The following SLC4A4 variants were observed in gnomAD, a reference collection of about 807,000 sequenced individuals.
The protein encoded by SLC4A4 is electrogenic sodium bicarbonate cotransporter 1.
Under a neutral mutation model 111.5 loss-of-function variants are expected in SLC4A4, and 27 were observed. The observed-to-expected ratio is 0.24, with a 90% confidence interval of 0.18 to 0.33. The LOEUF is 0.33. Ranked by LOEUF, SLC4A4 falls within the 10% of genes least tolerant of loss-of-function variation. SLC4A4 has a pLI of 1.00. For synonymous variants in SLC4A4, 443 were observed against 463.4 expected, an observed-to-expected ratio of 0.96 and a Z score of 0.57; for missense variants, 909 against 1,315.5, an observed-to-expected ratio of 0.69 and a Z score of 4.78.
chr4:71,462,469 C>T (rs989740807), intron 12 of SLC4A4, among the ~76,000 whole-genome samples: 2 of 135,892 alleles, frequency 1.5e-5, no homozygotes, highest in African/African-American at 2.8e-5. Context: ...AGTGGAGTGG[C>T]GTGATCTCAG....
At chr4:71,537,987 C>T (rs1002858098) in intron 18 of SLC4A4, among the ~76,000 whole-genome samples, 1 of 152,044 alleles carries the variant, frequency 6.6e-6, no homozygotes, top group Non-Finnish European at 1.5e-5. Context: ...GTGGATGAGC[C>T]ATAGTTTCTA....
intron 2 of SLC4A4, among the ~76,000 whole-genome samples, chr4:71,102,022 A>G (rs1335511854): frequency 1.3e-5 from 2 of 150,752 alleles, no homozygotes. Context: ...GAAAACTTTG[A>G]AAAAAAATTA....
chr4:71,086,699 G>A (rs917254167), intron 1 of SLC4A4, among the ~76,000 whole-genome samples: 7 of 152,014 alleles, frequency 4.6e-5, no homozygotes, highest in African/African-American at 1.7e-4. Flanking sequence ...TTATATGCTG[G>A]ATTATGTTTA....
intron 2 of SLC4A4, among the ~76,000 whole-genome samples, chr4:71,146,206 C>T (rs1257191259): frequency 1.3e-5 from 2 of 152,090 alleles, no homozygotes; most frequent in Non-Finnish European, 2.9e-5. Flanking sequence ...TTATTATGTA[C>T]CCAGTAGTCA....
intron 2 of SLC4A4, among the ~76,000 whole-genome samples, chr4:71,118,034 G>C (rs1432959334): frequency 3.3e-5 from 5 of 151,816 alleles, no homozygotes; most frequent in Admixed American, 3.3e-4. Flanking sequence ...GCGCCACCAC[G>C]CCTGGCTAAT....
At chr4:71,300,994 G>A (rs1367284428) in intron 3 of SLC4A4, 1 of 467,842 alleles carries the variant, frequency 2.1e-6, no homozygotes, top group Non-Finnish European at 4.4e-6. Flanking sequence ...TAGTGCCAGA[G>A]TGGGGGCCCC....
intron 1 of SLC4A4, among the ~76,000 whole-genome samples, chr4:71,202,988 CG>C (rs1232783844): frequency 5.3e-5 from 8 of 151,998 alleles, no homozygotes; most frequent in African/African-American, 1.9e-4. Context: ...AACCAGCTAA[CG>C]TTTTTTTTCC....
chr4:71,390,231 C>A (rs1051516183), intron 6 of SLC4A4, among the ~76,000 whole-genome samples: 9 of 152,268 alleles, frequency 5.9e-5, no homozygotes, highest in African/African-American at 2.2e-4. Context: ...CAATCAAACT[C>A]ATTGTAAGCA....
At chr4:71,333,443 C>T (rs1463747514) in intron 3 of SLC4A4, among the ~76,000 whole-genome samples, 2 of 152,164 alleles carry the variant, frequency 1.3e-5, no homozygotes, top group Non-Finnish European at 2.9e-5. Context: ...ACTCAAGTAC[C>T]CCTGTGGTCA....
At chr4:71,210,654 T>C (rs1040832829) in intron 1 of SLC4A4, among the ~76,000 whole-genome samples, 2 of 152,240 alleles carry the variant, frequency 1.3e-5, no homozygotes, top group African/African-American at 4.8e-5. Flanking sequence ...GAAGGCTTTC[T>C]TCTTGTTACT....
intron 15 of SLC4A4, among the ~76,000 whole-genome samples, chr4:71,488,604 A>G (rs1483106744): frequency 6.6e-6 from 1 of 151,700 alleles, no homozygotes; most frequent in Non-Finnish European, 1.5e-5. Context: ...CATGAGAGAA[A>G]CTGAAGCTCC....
At chr4:71,423,089 C>T (rs1722720746) in intron 7 of SLC4A4, among the ~76,000 whole-genome samples, 1 of 152,062 alleles carries the variant, frequency 6.6e-6, no homozygotes, top group South Asian at 2.1e-4. Context: ...CTAGAAAACC[C>T]CATTGTCTCA....
intron 14 of SLC4A4, among the ~76,000 whole-genome samples, chr4:71,479,862 A>T (rs914432606): frequency 1.3e-5 from 2 of 151,694 alleles, no homozygotes; most frequent in African/African-American, 4.8e-5. Context: ...AGAAAATGGG[A>T]TTGTCATCAG....
rs768124053 is a variant in SLC4A4 at position 71,357,035 on chromosome 4, C to A, written c.578C>A (p.Thr193Lys). 3.1e-6 allele frequency: 5 copies of A among 1,613,950 alleles called. No individual in the cohort carries two copies. The highest frequency in any genetic ancestry group is 4.2e-6 in the Non-Finnish European group (5 of 1,179,982). The change falls in exon 6 of 26, where the codon ACA becomes AAA. Residue 193 changes from threonine to lysine, a missense_variant. Physicochemically the swap from Thr to Lys is moderately conservative, Grantham distance 78. Coordinates refer to ENST00000264485, the MANE Select transcript of SLC4A4 (RefSeq NM_001098484.3). ...VEMIVDHQIE[T>K]GLLKPELKDK... is the part of the protein sequence containing the mutation. ...ATGATTGTTGACCATCAGATTGAGA[C>A]AGGCCTATTGAAACCTGAACTTAAG...
intron 2 of SLC4A4, among the ~76,000 whole-genome samples, chr4:71,253,573 A>G (rs1721231481): frequency 6.6e-6 from 1 of 152,190 alleles, no homozygotes; most frequent in Non-Finnish European, 1.5e-5. Flanking sequence ...TTGCTCACTT[A>G]CATTGTTAAG....
At chr4:71,499,147 A>T (rs537324013) in intron 16 of SLC4A4, among the ~76,000 whole-genome samples, 2 of 150,934 alleles carry the variant, frequency 1.3e-5, no homozygotes, top group South Asian at 2.1e-4. Context: ...GTTTGTTTGT[A>T]TTTTTGGCTT....
At chr4:71,384,243 G>A (rs1456902419) in intron 6 of SLC4A4, among the ~76,000 whole-genome samples, 1 of 152,194 alleles carries the variant, frequency 6.6e-6, no homozygotes, top group Non-Finnish European at 1.5e-5. Flanking sequence ...ATGAGTATAT[G>A]AGCAAGTGCA....
intron 3 of SLC4A4, among the ~76,000 whole-genome samples, chr4:71,267,648 G>C (rs371197364): frequency 2.3e-4 from 35 of 152,022 alleles, no homozygotes; most frequent in African/African-American, 8.4e-4. Flanking sequence ...ATGAAAATTA[G>C]CTGGGTGTGG....
chr4:71,248,081 T>G (rs1052240744), intron 2 of SLC4A4, among the ~76,000 whole-genome samples: 1 of 152,140 alleles, frequency 6.6e-6, no homozygotes, highest in Non-Finnish European at 1.5e-5. Flanking sequence ...AGAGCTCAAC[T>G]CTGTAGGATG....
Sources: allele counts gnomAD v4.1 joint callset (sites outside exome capture counted in the v4.1 genomes callset), GRCh38; gene constraint gnomAD v4.1.1; transcripts MANE v1.5; gene names NCBI Gene and HGNC (gene_info 2026-07-23, HGNC 2026-07-21).